NYAP2: variants seen among roughly 807,000 people sequenced by gnomAD.
NYAP2 encodes neuronal tyrosine-phosphorylated phosphoinositide-3-kinase adaptor 2.
A neutral mutation model predicts 50.4 loss-of-function variants in NYAP2; 23 were observed. That is an observed-to-expected ratio of 0.46 (90% CI 0.33 to 0.65). The LOEUF is 0.65. Among genes scored for constraint, NYAP2 ranks in the 30% least tolerant of loss-of-function variants. The pLI is 0.02. For missense variants in NYAP2, 885 were observed against 861.0 expected, an observed-to-expected ratio of 1.03 and a Z score of -0.35; for synonymous variants, 394 against 365.2, an observed-to-expected ratio of 1.08 and a Z score of -0.90.
At chr2:225,492,757 AG>A (rs1690431325) in intron 3 of NYAP2, among the ~76,000 whole-genome samples, 1 of 152,208 alleles carries the variant, frequency 6.6e-6, no homozygotes, top group East Asian at 1.9e-4. Flanking sequence ...GAGAGGGAGA[AG>A]GGGAGGATGC....
At chr2:225,647,983 C>CATATAT (rs1553560507) in intron 6 of NYAP2, among the ~76,000 whole-genome samples, 69 of 151,970 alleles carry the variant, frequency 4.5e-4, no homozygotes, top group South Asian at 2.3e-3. Flanking sequence ...TGTGTGTGTG[C>CATATAT]ATATGTATGT....
chr2:225,616,004 G>A (rs921273599), intron 5 of NYAP2, among the ~76,000 whole-genome samples: 3 of 152,176 alleles, frequency 2.0e-5, no homozygotes, highest in African/African-American at 7.2e-5. Context: ...GCTAATTGCT[G>A]TTTGTGCGAT....
intron 3 of NYAP2, among the ~76,000 whole-genome samples, chr2:225,415,764 G>T (rs920424579): frequency 1.3e-5 from 2 of 152,090 alleles, no homozygotes; most frequent in African/African-American, 2.4e-5. Flanking sequence ...TTAAACAAAG[G>T]TTTGGAAACA....
chr2:225,498,460 G>A (rs1315011387), intron 3 of NYAP2, among the ~76,000 whole-genome samples: 1 of 151,990 alleles, frequency 6.6e-6, no homozygotes, highest in Non-Finnish European at 1.5e-5. Context: ...AAGAAGGCTG[G>A]GCCACATTAA....
intron 3 of NYAP2, among the ~76,000 whole-genome samples, chr2:225,490,916 AGCATTAC>A (rs1294189541): frequency 1.3e-5 from 2 of 152,110 alleles, no homozygotes; most frequent in Non-Finnish European, 2.9e-5. Flanking sequence ...ACCTGCATGG[AGCATTAC>A]ACTCTTGACT....
chr2:225,505,881 A>G (rs1165296737), intron 3 of NYAP2, among the ~76,000 whole-genome samples: 1 of 152,084 alleles, frequency 6.6e-6, no homozygotes, highest in African/African-American at 2.4e-5. Context: ...TTTCATTCAC[A>G]ATGGGAAGAA....
At chr2:225,441,968 TATC>T (rs766669953) in intron 3 of NYAP2, among the ~76,000 whole-genome samples, 21 of 152,258 alleles carry the variant, frequency 1.4e-4, no homozygotes, top group Non-Finnish European at 2.9e-4. Context: ...AAATGGCTAC[TATC>T]ATCATCACCA....
intron 4 of NYAP2, among the ~76,000 whole-genome samples, chr2:225,526,064 A>T (rs1283100767): frequency 1.3e-5 from 2 of 152,070 alleles, no homozygotes; most frequent in African/African-American, 4.8e-5. Context: ...CTGGAAGTAG[A>T]TTTTTCCCTG....
rs145154666 is a variant in NYAP2 at position 225,453,821 on chromosome 2, C to A, written c.221+44720C>A. Among the ~76,000 whole-genome samples the A allele has an allele frequency of 1.5e-4, 22 of 149,420 alleles. No homozygotes were observed. The East Asian group carries it at 4.3e-3, about 29-fold the overall frequency. On this transcript the variant is annotated intron_variant, in intron 3 of 6. Transcript: ENST00000636099. ...TAGTTGGGTTTATAGGTGCCCTCCA[C>A]CACGCCCGGCTAATTTTTTTTTTTT...
At chr2:225,522,700 T>A (rs1465646) in intron 4 of NYAP2, among the ~76,000 whole-genome samples, 90,699 of 151,982 alleles carry the variant, frequency 0.6, 28,014 homozygotes, top group African/African-American at 0.76. Flanking sequence ...CCTTTCTTTC[T>A]TGTTGCTTAC....
chr2:225,468,232 T>G (rs1574629919), intron 3 of NYAP2, among the ~76,000 whole-genome samples: 1 of 152,196 alleles, frequency 6.6e-6, no homozygotes, highest in East Asian at 1.9e-4. Context: ...TATGACTGGC[T>G]TCCTTATAAT....
At chr2:225,558,090 T>C (rs1303095393) in intron 4 of NYAP2, among the ~76,000 whole-genome samples, 3 of 151,844 alleles carry the variant, frequency 2.0e-5, no homozygotes, top group African/African-American at 7.3e-5. Context: ...CTCCAGGGAG[T>C]GGTCTGGCTG....
chr2:225,695,774 GT>G, the NYAP2 span, among the ~76,000 whole-genome samples: 4 of 151,898 alleles, frequency 2.6e-5, no homozygotes, highest in African/African-American at 4.8e-5. Flanking sequence ...ACAGTCTCCT[GT>G]TGGAACACAA....
At position 225,569,209 on chromosome 2, in the gene NYAP2, G is replaced by A. The variant is rs191488099; in HGVS notation, c.524-12732G>A. ...ATGATTACCTTTGAGATACTGAATG[G>A]GACAGAAATAGAAGACAATGGCTTA... On this transcript the variant is annotated intron_variant, in intron 4 of 6. Coordinates refer to ENST00000636099, the Ensembl canonical transcript of NYAP2. Among the ~76,000 whole-genome samples the A allele has an allele frequency of 1.3e-4, 20 of 152,288 alleles. No homozygotes were observed. In the East Asian group the frequency reaches 3.9e-3, roughly 29 times the overall value.
At chr2:225,578,365 TA>T (rs1455728252) in intron 4 of NYAP2, among the ~76,000 whole-genome samples, 1 of 152,126 alleles carries the variant, frequency 6.6e-6, no homozygotes, top group Non-Finnish European at 1.5e-5. Context: ...GAAGCTTGCC[TA>T]GATAAAGAGG....
chr2:225,472,644 T>C (rs1193124304), intron 3 of NYAP2, among the ~76,000 whole-genome samples: 2 of 152,224 alleles, frequency 1.3e-5, no homozygotes, highest in Admixed American at 1.3e-4. Flanking sequence ...CATAGGAAGT[T>C]CATCATCGTT....
chr2:225,458,691 T>G (rs1689777783), intron 3 of NYAP2, among the ~76,000 whole-genome samples: 1 of 152,198 alleles, frequency 6.6e-6, no homozygotes, highest in Admixed American at 6.5e-5. Flanking sequence ...TTGGTAAGAG[T>G]GCTCAGTTAA....
At chr2:225,537,399 A>G (rs769843832) in intron 4 of NYAP2, among the ~76,000 whole-genome samples, 2 of 152,186 alleles carry the variant, frequency 1.3e-5, no homozygotes, top group Non-Finnish European at 2.9e-5. Flanking sequence ...AAAGAGATTT[A>G]TTGGACTTAC....
the NYAP2 span, among the ~76,000 whole-genome samples, chr2:225,685,392 A>T: frequency 2.6e-5 from 4 of 152,178 alleles, no homozygotes; most frequent in Non-Finnish European, 4.4e-5. Flanking sequence ...TTTATAATTG[A>T]ATTTTATCTT....
Sources: allele counts gnomAD v4.1 joint callset (sites outside exome capture counted in the v4.1 genomes callset), GRCh38; gene constraint gnomAD v4.1.1; transcripts MANE v1.5; gene names NCBI Gene and HGNC (gene_info 2026-07-23, HGNC 2026-07-21).